Variants in ASTN2 observed in about 807,000 individuals in gnomAD.
The protein encoded by ASTN2 is astrotactin 2.
Under a neutral mutation model 139.8 loss-of-function variants are expected in ASTN2, and 54 were observed. That is an observed-to-expected ratio of 0.39 (90% confidence interval 0.31 to 0.48). ASTN2 has a LOEUF of 0.48. ASTN2 is among the 20% of genes least tolerant of loss of function. The probability of loss-of-function intolerance (pLI) is 0.95; values close to 1 mark genes in which losing one functional copy is unlikely to be tolerated. For missense variants in ASTN2, 1,565 were observed against 1,725.1 expected (o/e 0.91, Z 1.64); for synonymous variants, 756 against 719.5 (o/e 1.05, Z -0.81).
At chr9:116,658,411 T>G (rs1048932386) in intron 16 of ASTN2, among the ~76,000 whole-genome samples, 2 of 152,118 alleles carry the variant, frequency 1.3e-5, no homozygotes, top group African/African-American at 4.8e-5. Flanking sequence ...ATGGGTCACA[T>G]AGAAGAAAGA....
chr9:117,352,747 AG>A (rs1275634336), intron 1 of ASTN2, among the ~76,000 whole-genome samples: 2 of 152,214 alleles, frequency 1.3e-5, no homozygotes, highest in African/African-American at 4.8e-5. Context: ...CTCGGCCAAA[AG>A]GTAAAGACAA....
At position 117,008,126 on chromosome 9, in the gene ASTN2, T is replaced by G. The variant is rs370234322; in HGVS notation, c.1557A>C (p.Thr519=). Residue 519 remains threonine, a synonymous_variant, in exon 7 of 23, where the codon ACA becomes ACC. Transcript: ENST00000313400. ...WVRDLCGQRT[T]DACEQLCDPE... ...GGTCGCAGAGCTGCTCACAGGCATC[T>G]GTCGTCCTTTGTCCACAGAGGTCCC... is the stretch of plus-strand genomic sequence containing the variant. 349 of 1,608,064 alleles carry G rather than the reference T, an allele frequency of 2.2e-4. 3 individuals carry two copies. In the South Asian group the frequency reaches 2.7e-3, roughly 13 times the overall value.
At chr9:117,144,938 C>T (rs1358572612) in intron 3 of ASTN2, among the ~76,000 whole-genome samples, 1 of 151,896 alleles carries the variant, frequency 6.6e-6, no homozygotes, top group African/African-American at 2.4e-5. Context: ...CTGCCTCAGC[C>T]TCTCAAAGTG....
rs141837033 is a variant in ASTN2, at chr9:116,929,726, C to T, written c.1889+45482G>A. ...AAAAATGGTTATTGCATTATTAATT[C>T]GCTCCAGCAATTTCACATTAAACCT... On this transcript the variant is annotated intron_variant, in intron 10 of 22. Coordinates refer to ENST00000313400, the MANE Select transcript of ASTN2 (RefSeq NM_001365068.1). Among the ~76,000 whole-genome samples, 125 of 152,282 alleles carry T rather than the reference C, an allele frequency of 8.2e-4. 2 individuals carry two copies. The highest frequency in any genetic ancestry group is 6.2e-3 in the East Asian group (32 of 5,192).
intron 16 of ASTN2, among the ~76,000 whole-genome samples, chr9:116,683,571 T>C (rs1860019637): frequency 6.6e-6 from 1 of 152,292 alleles, no homozygotes; most frequent in Admixed American, 6.5e-5. Flanking sequence ...TTTATTGGAA[T>C]AGAGGAAAAA....
At chr9:117,293,577 G>A (rs866756033) in intron 1 of ASTN2, among the ~76,000 whole-genome samples, 8 of 152,266 alleles carry the variant, frequency 5.3e-5, no homozygotes, top group East Asian at 3.9e-4. Flanking sequence ...ACCCATTGTC[G>A]TTCTGGGGAG....
intron 13 of ASTN2, among the ~76,000 whole-genome samples, chr9:116,747,607 C>T (rs1257191983): frequency 2.6e-5 from 4 of 152,022 alleles, no homozygotes; most frequent in African/African-American, 9.7e-5. Flanking sequence ...TCTGCCTCCA[C>T]TCTACCACCT....
chr9:117,045,583 TG>T (rs1180967062), intron 5 of ASTN2, among the ~76,000 whole-genome samples: 1 of 152,178 alleles, frequency 6.6e-6, no homozygotes, highest in Admixed American at 6.5e-5. Flanking sequence ...AATAACTCAG[TG>T]TTGTTGATCC....
intron 19 of ASTN2, among the ~76,000 whole-genome samples, chr9:116,495,471 C>T (rs1008972051): frequency 2.0e-5 from 3 of 152,160 alleles, no homozygotes; most frequent in Admixed American, 2.0e-4. Flanking sequence ...AGACACCAAC[C>T]AAGTTCTGAT....
At chr9:117,245,978 A>T (rs10983580) in intron 2 of ASTN2, among the ~76,000 whole-genome samples, 5,393 of 151,954 alleles carry the variant, frequency 0.035, 143 homozygotes, top group South Asian at 0.14. Flanking sequence ...CCCCCATTCA[A>T]CTCCAAGCTT....
intron 17 of ASTN2, among the ~76,000 whole-genome samples, chr9:116,621,414 TACACACACACAC>T (rs56109422): frequency 4.2e-5 from 6 of 142,168 alleles, no homozygotes; most frequent in African/African-American, 1.5e-4. Context: ...TTAAAACACA[TACACACACACAC>T]ACACACACAT....
chr9:116,686,321 T>A (rs1160519574), intron 16 of ASTN2, among the ~76,000 whole-genome samples: 4 of 152,222 alleles, frequency 2.6e-5, no homozygotes, highest in Non-Finnish European at 5.9e-5. Flanking sequence ...GAGGATTTAG[T>A]GAGCTATGCA....
At chr9:116,802,371 C>T (rs984774000) in intron 13 of ASTN2, among the ~76,000 whole-genome samples, 6 of 152,158 alleles carry the variant, frequency 3.9e-5, no homozygotes, top group Non-Finnish European at 5.9e-5. Context: ...CAGGCATGAG[C>T]CACCACAACC....
chr9:116,512,021 T>C (rs1850410243), intron 19 of ASTN2, among the ~76,000 whole-genome samples: 1 of 152,212 alleles, frequency 6.6e-6, no homozygotes, highest in South Asian at 2.1e-4. Flanking sequence ...TGCTCTGATC[T>C]TAGTTATTTC....
intron 20 of ASTN2, among the ~76,000 whole-genome samples, chr9:116,478,067 C>CAA (rs1282367131): frequency 7.7e-6 from 1 of 130,104 alleles, no homozygotes; most frequent in African/African-American, 2.9e-5. Flanking sequence ...AGAGATGTTA[C>CAA]AAATATGGGA....
At chr9:116,766,009 G>C (rs963038967) in intron 13 of ASTN2, among the ~76,000 whole-genome samples, 1 of 152,038 alleles carries the variant, frequency 6.6e-6, no homozygotes, top group East Asian at 1.9e-4. Context: ...AGTGAAAAGG[G>C]GGCTACTATT....
At chr9:117,271,349 C>T (rs1834058510) in intron 2 of ASTN2, among the ~76,000 whole-genome samples, 1 of 152,226 alleles carries the variant, frequency 6.6e-6, no homozygotes, top group African/African-American at 2.4e-5. Flanking sequence ...GATTCGATTA[C>T]CTCCCCTTGG....
intron 5 of ASTN2, among the ~76,000 whole-genome samples, chr9:117,075,120 C>T (rs1349437904): frequency 1.3e-5 from 2 of 152,212 alleles, no homozygotes; most frequent in Non-Finnish European, 2.9e-5. Context: ...AGGGCCACTC[C>T]TGCCCCAACA....
At chr9:117,348,729 G>C (rs1335417702) in intron 1 of ASTN2, among the ~76,000 whole-genome samples, 3 of 152,126 alleles carry the variant, frequency 2.0e-5, no homozygotes, top group African/African-American at 7.2e-5. Flanking sequence ...GGCAAAGAAA[G>C]ACATCTCAAC....
Sources: allele counts gnomAD v4.1 joint callset (sites outside exome capture counted in the v4.1 genomes callset), GRCh38; gene constraint gnomAD v4.1.1; transcripts MANE v1.5; gene names NCBI Gene and HGNC (gene_info 2026-07-23, HGNC 2026-07-21).